The following UPF2 variants were observed in gnomAD, a reference collection of about 807,000 sequenced individuals.
UPF2 encodes the protein regulator of nonsense transcripts 2.
A neutral mutation model predicts 141.4 loss-of-function variants in UPF2; 17 were observed. That is an observed-to-expected ratio of 0.12 (90% CI 0.08 to 0.18). The LOEUF is 0.18. Ranked by LOEUF, UPF2 falls within the 10% of genes least tolerant of loss-of-function variation. UPF2 has a pLI of 1.00. For missense variants in UPF2, 1,152 were observed against 1,515.9 expected (o/e 0.76, Z 3.99); for synonymous variants, 540 against 498.0 (o/e 1.08, Z -1.12).
intron 4 of UPF2, among the ~76,000 whole-genome samples, chr10:12,005,688 C>A (rs1834023591): frequency 6.6e-6 from 1 of 152,162 alleles, no homozygotes; most frequent in African/African-American, 2.4e-5. Flanking sequence ...CCTGCCTCAG[C>A]CTCCCAAGTA....
chr10:11,959,347 T>C lies in UPF2; in HGVS notation c.2194A>G (p.Met732Val), dbSNP rs778318782. 4 of 1,563,294 alleles carry C rather than the reference T, an allele frequency of 2.6e-6. No individual in the cohort carries two copies. The highest frequency in any genetic ancestry group is 1.2e-5 in the South Asian group (1 of 83,038). Residue 732 changes from methionine (M) to valine (V), a missense_variant, in exon 12 of 22, where the codon ATG (methionine) becomes GTG (valine). By Grantham distance (21) the Met-to-Val change is conservative. This residue lies in a region of UPF2 where 739 missense variants were observed against 1,032.2 expected (regional missense o/e 0.72). Transcript: ENST00000357604. The surrounding 1 kb of genome is among the most constrained non-coding windows in gnomAD (Gnocchi z 5.9). ...LRTSVLLEQM[M>V]RKKQAMHLDA... ...AGATGCATTGCTTGCTTCTTTCTCA[T>C]CATTTGCTCCTGAAATAAAAAGTCC...
intron 3 of UPF2, among the ~76,000 whole-genome samples, chr10:12,022,091 G>T (rs1408340404): frequency 6.6e-6 from 1 of 152,006 alleles, no homozygotes; most frequent in African/African-American, 2.4e-5. Context: ...AGTGAGCCAG[G>T]ATCGCGCCAC....
intron 4 of UPF2, 40 bp from the exon 5 acceptor site, chr10:12,004,767 G>T: frequency 6.4e-7 from 1 of 1,572,182 alleles, no homozygotes; most frequent in South Asian, 1.2e-5. Flanking sequence ...CATAACTTGA[G>T]GTTATAGCAT....
In UPF2 at chr10:11,951,476, C is replaced by A. The variant is rs187943987; in HGVS notation, c.3034+590G>T. ...GTTATTTCTAAAGACATATAGGTTC[C>A]TGCAGCTCTAGTGGAAGCTGTTCAA... On this transcript the variant is annotated intron_variant, in intron 15 of 21. Coordinates refer to ENST00000357604, the MANE Select transcript of UPF2 (RefSeq NM_015542.4). 1.6e-4 allele frequency among the ~76,000 whole-genome samples: 24 copies of A among 152,282 alleles called. No individual in the cohort carries two copies. The East Asian group carries it at 4.6e-3, about 29-fold the overall frequency.
intron 8 of UPF2, among the ~76,000 whole-genome samples, chr10:11,982,723 C>T (rs892573611): frequency 6.6e-6 from 1 of 152,056 alleles, no homozygotes; most frequent in African/African-American, 2.4e-5. Flanking sequence ...GCCTCCCAAG[C>T]GATTCTCCTG....
intron 4 of UPF2, 120 bp from the exon 5 acceptor site, chr10:12,004,847 ACTT>A: frequency 1.1e-6 from 1 of 924,170 alleles, no homozygotes; most frequent in South Asian, 1.9e-5. Context: ...ACTGACAGGA[ACTT>A]CTTCAATTAA....
At chr10:12,006,311 C>T (rs1743453228) in intron 4 of UPF2, among the ~76,000 whole-genome samples, 1 of 152,200 alleles carries the variant, frequency 6.6e-6, no homozygotes, top group African/African-American at 2.4e-5. Context: ...GTACATACAA[C>T]TATAGATCAT....
intron 9 of UPF2, among the ~76,000 whole-genome samples, chr10:11,972,955 C>A (rs1159123854): frequency 1.3e-5 from 2 of 152,200 alleles, no homozygotes; most frequent in Non-Finnish European, 2.9e-5. Flanking sequence ...TGAGGAATCG[C>A]CACACTGTCT....
rs151275914 is a variant in UPF2, at chr10:11,991,675, A to G, written c.1844+5997T>C. 1.5e-3 allele frequency among the ~76,000 whole-genome samples: 233 copies of G among 152,332 alleles called. 1 individual carries two copies. The highest frequency in any genetic ancestry group is 5.2e-3 in the African/African-American group (215 of 41,576). ...CCTAGATTTCAACACAGTAATGGCA[A>G]ATGCCAAATGACTATTGAGTGACAC... On this transcript the variant is annotated intron_variant, in intron 8 of 21. Coordinates refer to ENST00000357604, the MANE Select transcript of UPF2 (RefSeq NM_015542.4).
intron 9 of UPF2, among the ~76,000 whole-genome samples, chr10:11,974,205 T>C (rs1468455403): frequency 6.6e-6 from 1 of 152,170 alleles, no homozygotes; most frequent in Non-Finnish European, 1.5e-5. Context: ...TAGGAATGCT[T>C]GTGATTTCTG....
At chr10:12,039,163 G>A (rs1251073321) in intron 1 of UPF2, among the ~76,000 whole-genome samples, 1 of 152,050 alleles carries the variant, frequency 6.6e-6, no homozygotes, top group Non-Finnish European at 1.5e-5. Flanking sequence ...TTTATGAGGT[G>A]GGTATTATTT....
At position 11,935,230 on chromosome 10, in the gene UPF2, G is replaced by A. The variant is rs1832834790; in HGVS notation, c.3546+1315C>T. On this transcript the variant is annotated intron_variant, in intron 19 of 21. Coordinates refer to ENST00000357604, the MANE Select transcript of UPF2 (RefSeq NM_015542.4). This position sits in a 1 kb window ranked among gnomAD's most constrained non-coding sequence, Gnocchi z 4.9. The stretch of plus-strand genomic sequence containing the variant: ...TTACCCTGCTTTATCCTCCTTGGTA[G>A]CCATCCCAACGTGACTTGGTGTATT... Among the ~76,000 whole-genome samples, 1 of 152,034 alleles carries A rather than the reference G, an allele frequency of 6.6e-6. No individual in the cohort carries two copies. Among genetic ancestry groups the A allele is most frequent in the Admixed American group, 6.6e-5 (1 of 15,254 alleles).
chr10:11,970,822 T>A (rs578234534), intron 9 of UPF2, among the ~76,000 whole-genome samples: 1 of 151,582 alleles, frequency 6.6e-6, no homozygotes, highest in Admixed American at 6.6e-5. Context: ...AAAAAATAAA[T>A]AAATAAATAA....
chr10:11,928,798 C>A, intron 21 of UPF2: 1 of 231,090 alleles, frequency 4.3e-6, no homozygotes, highest in Non-Finnish European at 9.0e-6. Context: ...AATTATCTCA[C>A]ATTAAACAAT....
intron 15 of UPF2, among the ~76,000 whole-genome samples, chr10:11,948,924 A>G (rs1833039614): frequency 1.3e-5 from 2 of 152,224 alleles, no homozygotes; most frequent in Admixed American, 1.3e-4. Context: ...AACTCAAAAG[A>G]CATGAAAAAA....
At chr10:11,970,174 G>A (rs1421679604) in intron 9 of UPF2, among the ~76,000 whole-genome samples, 1 of 152,092 alleles carries the variant, frequency 6.6e-6, no homozygotes, top group African/African-American at 2.4e-5. Context: ...TGATGATGAT[G>A]GTAGTGACTA....
intron 1 of UPF2, among the ~76,000 whole-genome samples, chr10:12,039,049 G>A (rs966994812): frequency 6.6e-6 from 1 of 151,942 alleles, no homozygotes; most frequent in Non-Finnish European, 1.5e-5. Flanking sequence ...AAAACATCAC[G>A]CCCTTAAAGC....
rs184347973 is a variant in UPF2, at chr10:11,939,147, G to A, written c.3379-2435C>T. Among the ~76,000 whole-genome samples the A allele has an allele frequency of 1.6e-4, 24 of 152,182 alleles. No homozygotes were observed. Among genetic ancestry groups the A allele is most frequent in the African/African-American group, 5.8e-4 (24 of 41,512 alleles). On this transcript the variant is annotated intron_variant, in intron 18 of 21. Coordinates refer to ENST00000357604, the MANE Select transcript of UPF2 (RefSeq NM_015542.4). The surrounding 1 kb of genome is among the most constrained non-coding windows in gnomAD (Gnocchi z 4.8). The stretch of plus-strand genomic sequence containing the variant: ...GGCCTCCCAAAGTGATGGGATTACA[G>A]GCATTGAGCCACTGTGCCTGGCCAG...
chr10:12,026,518 G>T, intron 3 of UPF2: 1 of 380,864 alleles, frequency 2.6e-6, no homozygotes, highest in Non-Finnish European at 5.1e-6. Context: ...AATAAAAGTG[G>T]ACACATATGT....
Sources: allele counts gnomAD v4.1 joint callset (sites outside exome capture counted in the v4.1 genomes callset), GRCh38; gene constraint gnomAD v4.1.1; regional missense constraint gnomAD v4.1.1; non-coding constraint Gnocchi (gnomAD v3.1); transcripts MANE v1.5; gene names NCBI Gene and HGNC (gene_info 2026-07-23, HGNC 2026-07-21).